The following RAD51B variants were observed in gnomAD, a reference collection of about 807,000 sequenced individuals.
RAD51B encodes RAD51 paralog B.
Under a neutral mutation model 42.2 loss-of-function variants are expected in RAD51B, and 38 were observed. That is an observed-to-expected ratio of 0.90 (90% confidence interval 0.70 to 1.18). The LOEUF (loss-of-function observed/expected upper bound fraction) is 1.18. Among genes scored for constraint, RAD51B ranks in the 50% most tolerant of loss-of-function variants. RAD51B has a pLI of 0.00. For missense variants in RAD51B, 373 were observed against 400.7 expected, an observed-to-expected ratio of 0.93 and a Z score of 0.59; for synonymous variants, 154 against 145.2, an observed-to-expected ratio of 1.06 and a Z score of -0.43.
intron 10 of RAD51B, among the ~76,000 whole-genome samples, chr14:68,617,989 A>T (rs1193006086): frequency 6.6e-6 from 1 of 152,192 alleles, no homozygotes; most frequent in Non-Finnish European, 1.5e-5. Flanking sequence ...TTGATAAAGA[A>T]ATGATGAATG....
At chr14:67,900,483 A>T (rs1350703381) in intron 7 of RAD51B, among the ~76,000 whole-genome samples, 1 of 152,038 alleles carries the variant, frequency 6.6e-6, no homozygotes, top group African/African-American at 2.4e-5. Flanking sequence ...GTTTCATGAC[A>T]TTGCCAAATG....
At chr14:68,577,853 T>A (rs1566943509) in intron 10 of RAD51B, among the ~76,000 whole-genome samples, 1 of 152,218 alleles carries the variant, frequency 6.6e-6, no homozygotes, top group Admixed American at 6.5e-5. Flanking sequence ...CAATAAGTAC[T>A]TATTAAGTGA....
chr14:68,164,856 A>C (rs1432015091), intron 7 of RAD51B, among the ~76,000 whole-genome samples: 1 of 152,174 alleles, frequency 6.6e-6, no homozygotes, highest in Admixed American at 6.5e-5. Flanking sequence ...AGCCAAGCCT[A>C]ATTTTATTTT....
chr14:68,189,735 C>T (rs1428429349), intron 7 of RAD51B, among the ~76,000 whole-genome samples: 1 of 152,046 alleles, frequency 6.6e-6, no homozygotes, highest in Non-Finnish European at 1.5e-5. Flanking sequence ...GGCATGATCT[C>T]GGCTCACTAC....
chr14:68,256,717 C>T (rs898094171), intron 7 of RAD51B, among the ~76,000 whole-genome samples: 2 of 152,154 alleles, frequency 1.3e-5, no homozygotes, highest in South Asian at 2.1e-4. Context: ...ACCTCCTTCC[C>T]GAGCCTTTCC....
intron 10 of RAD51B, chr14:68,563,626 T>C: frequency 1.0e-6 from 1 of 985,418 alleles, no homozygotes; most frequent in Non-Finnish European, 1.2e-6. Flanking sequence ...GGGGTGAGAT[T>C]TGGCTTGAAA....
chr14:68,140,694 T>A (rs1048379298), intron 7 of RAD51B, among the ~76,000 whole-genome samples: 3 of 152,220 alleles, frequency 2.0e-5, no homozygotes, highest in African/African-American at 7.2e-5. Flanking sequence ...TGCAGTCCTC[T>A]TCATACCCCC....
At chr14:68,095,862 G>C (rs1011235689) in intron 7 of RAD51B, among the ~76,000 whole-genome samples, 1 of 151,202 alleles carries the variant, frequency 6.6e-6, no homozygotes, top group African/African-American at 2.4e-5. Flanking sequence ...TGGAGTCCCA[G>C]CTACTCGGGA....
Position 67,890,720 on chromosome 14 carries a change from G to C in RAD51B, c.756+3516G>C, listed in dbSNP as rs2043194257. On this transcript the variant is annotated intron_variant, in intron 7 of 10. Coordinates refer to ENST00000471583, the MANE Select transcript of RAD51B (RefSeq NM_133510.4). ...AGCACTGTGGATAACTAATATTTAG[G>C]AGGTAACAGCTAATGAAAGTACAAT... is the stretch of plus-strand genomic sequence containing the variant. Among the ~76,000 whole-genome samples, 4 of 150,142 alleles carry C rather than the reference G, an allele frequency of 2.7e-5. No individual in the cohort carries two copies. In the Admixed American group the frequency reaches 2.7e-4, roughly 10 times the overall value.
intron 10 of RAD51B, among the ~76,000 whole-genome samples, chr14:68,516,906 A>G (rs561162070): frequency 8.5e-5 from 13 of 152,218 alleles, no homozygotes; most frequent in Admixed American, 3.3e-4. Flanking sequence ...TATGGCAGAT[A>G]CAGGTTTCTA....
intron 7 of RAD51B, among the ~76,000 whole-genome samples, chr14:68,056,154 A>G (rs2140429537): frequency 6.6e-6 from 1 of 152,076 alleles, no homozygotes; most frequent in East Asian, 1.9e-4. Flanking sequence ...TGCTAAAGAA[A>G]AGTTTTCTTT....
chr14:68,613,728 A>C (rs1011573383), downstream of RAD51B, among the ~76,000 whole-genome samples: 2 of 152,102 alleles, frequency 1.3e-5, no homozygotes, highest in African/African-American at 4.8e-5. Flanking sequence ...TGCTGGGATT[A>C]CAGGCGTGAG....
At chr14:68,274,950 G>A (rs796664617) in intron 7 of RAD51B, among the ~76,000 whole-genome samples, 15 of 152,248 alleles carry the variant, frequency 9.9e-5, no homozygotes, top group African/African-American at 3.6e-4. Flanking sequence ...ATTTTATCAT[G>A]TCACAAGGCA....
chr14:67,946,658 A>G (rs6573801), intron 7 of RAD51B, among the ~76,000 whole-genome samples: 41,908 of 152,130 alleles, frequency 0.28, 7,545 homozygotes, highest in African/African-American at 0.51. Flanking sequence ...GAGCCACTGC[A>G]CTTGGCCAAA....
intron 7 of RAD51B, among the ~76,000 whole-genome samples, chr14:67,991,973 A>C (rs2075303389): frequency 6.6e-6 from 1 of 152,180 alleles, no homozygotes; most frequent in Admixed American, 6.5e-5. Context: ...AAAAGGCTTA[A>C]CGTTCCTAAG....
At chr14:68,459,414 A>T (rs907435113) in intron 9 of RAD51B, among the ~76,000 whole-genome samples, 1 of 152,232 alleles carries the variant, frequency 6.6e-6, no homozygotes, top group Non-Finnish European at 1.5e-5. Context: ...CACTTGGCAT[A>T]GCTAGAGGAA....
At chr14:67,985,605 C>G (rs1410006353) in intron 7 of RAD51B, among the ~76,000 whole-genome samples, 2 of 152,012 alleles carry the variant, frequency 1.3e-5, no homozygotes, top group Non-Finnish European at 2.9e-5. Flanking sequence ...GTGACACGGA[C>G]AGCTTTGAAA....
intron 7 of RAD51B, 132 bp downstream of exon 7, chr14:67,887,336 A>C: frequency 1.5e-6 from 1 of 672,720 alleles, no homozygotes; most frequent in South Asian, 2.5e-5. Flanking sequence ...AAGGTAGTAC[A>C]GTCTAATTGC....
chr14:68,419,865 C>T (rs2084655683), intron 9 of RAD51B, among the ~76,000 whole-genome samples: 1 of 152,182 alleles, frequency 6.6e-6, no homozygotes, highest in Non-Finnish European at 1.5e-5. Flanking sequence ...GAACCCATTT[C>T]CTGCCATCCT....
Sources: allele counts gnomAD v4.1 joint callset (sites outside exome capture counted in the v4.1 genomes callset), GRCh38; gene constraint gnomAD v4.1.1; transcripts MANE v1.5; gene names NCBI Gene and HGNC (gene_info 2026-07-23, HGNC 2026-07-21).